Variants in IPO11 observed in about 807,000 individuals in gnomAD.
IPO11 encodes the protein importin-11.
In IPO11, 66 loss-of-function variants were observed where a neutral mutation model predicts 143.2. The observed-to-expected ratio is 0.46, with a 90% CI of 0.38 to 0.57. The LOEUF (loss-of-function observed/expected upper bound fraction) is 0.57. IPO11 is among the 20% of genes least tolerant of loss of function. The probability of loss-of-function intolerance (pLI) is 0.00; values close to 1 mark genes in which losing one functional copy is unlikely to be tolerated. For synonymous variants in IPO11, 385 were observed against 377.8 expected (o/e 1.02, Z -0.22); for missense variants, 1,026 against 1,141.0 (o/e 0.90, Z 1.45).
At chr5:62,558,789 A>C (rs1743664648) in intron 26 of IPO11, among the ~76,000 whole-genome samples, 1 of 152,206 alleles carries the variant, frequency 6.6e-6, no homozygotes, top group African/African-American at 2.4e-5. Flanking sequence ...AATTAATATT[A>C]AAATGAGAGT....
intron 5 of IPO11, 44 bp from the exon 6 acceptor site, chr5:62,467,087 A>G: frequency 1.3e-6 from 2 of 1,529,386 alleles, no homozygotes; most frequent in Non-Finnish European, 1.8e-6. Context: ...TATTACTGAA[A>G]TGTATAATAC....
chr5:62,463,664 CTT>C (rs1372257901), intron 5 of IPO11, among the ~76,000 whole-genome samples: 1 of 143,822 alleles, frequency 7.0e-6, no homozygotes, highest in Non-Finnish European at 1.5e-5. Flanking sequence ...GAGTGAGACT[CTT>C]TGTCTCAAAA....
At chr5:62,467,048 C>T (rs1745596990) in intron 5 of IPO11, 83 bp from the exon 6 acceptor site, 2 of 1,284,170 alleles carry the variant, frequency 1.6e-6, no homozygotes, top group Non-Finnish European at 2.1e-6. Context: ...AGTTGTAAAA[C>T]TAAAATATAT....
chr5:62,583,324 G>A (rs531603999), intron 27 of IPO11, among the ~76,000 whole-genome samples: 29 of 151,944 alleles, frequency 1.9e-4, no homozygotes, highest in Non-Finnish European at 2.6e-4. Context: ...CACCTAAACC[G>A]TACCCTCTTA....
At chr5:62,503,500 G>A (rs1349915337) in intron 16 of IPO11, among the ~76,000 whole-genome samples, 3 of 151,200 alleles carry the variant, frequency 2.0e-5, no homozygotes, top group Non-Finnish European at 4.4e-5. Context: ...ATCTGTATGG[G>A]CATGGCTTAC....
At chr5:62,516,226 C>A (rs781459324) in intron 20 of IPO11, among the ~76,000 whole-genome samples, 2 of 152,160 alleles carry the variant, frequency 1.3e-5, no homozygotes, top group African/African-American at 2.4e-5. Context: ...TTAGAAAAAA[C>A]CAGAAACTTT....
intron 9 of IPO11, among the ~76,000 whole-genome samples, chr5:62,478,072 C>T (rs1405337389): frequency 2.6e-5 from 4 of 152,054 alleles, no homozygotes; most frequent in Non-Finnish European, 4.4e-5. Context: ...CCCTCCCACC[C>T]TTGCTGGTTA....
intron 28 of IPO11, among the ~76,000 whole-genome samples, chr5:62,591,951 G>A (rs1745040426): frequency 6.6e-6 from 1 of 152,196 alleles, no homozygotes; most frequent in Non-Finnish European, 1.5e-5. Context: ...CCAGGTTCAA[G>A]TGATTCTCTT....
Position 62,601,755 on chromosome 5 carries a change from T to A in IPO11, c.2679-9T>A. The A allele has an allele frequency of 6.8e-7, 1 of 1,474,814 alleles. No homozygotes were observed. The highest frequency in any genetic ancestry group is 9.1e-7 in the Non-Finnish European group (1 of 1,100,462). The allele number at this position is 1,474,814 out of a possible 1,614,324, so 91.4% of individuals were successfully genotyped here. Reference sequence around the variant, plus strand: ...TATTTAAAACATGTTTTTTAAAAAATTATTATAGCTGTATGTTGATGTCTC... The same window carrying A: ...TATTTAAAACATGTTTTTTAAAAAAATATTATAGCTGTATGTTGATGTCTC... On this transcript the variant is annotated splice_polypyrimidine_tract_variant and intron_variant, in intron 28 of 29. Coordinates refer to ENST00000325324, the MANE Select transcript of IPO11 (RefSeq NM_016338.5).
At chr5:62,612,360 AG>A (rs1745955371) in intron 29 of IPO11, among the ~76,000 whole-genome samples, 1 of 152,174 alleles carries the variant, frequency 6.6e-6, no homozygotes, top group Non-Finnish European at 1.5e-5. Flanking sequence ...ACTATTTGTG[AG>A]TTTCAGTGTA....
chr5:62,468,602 A>G (rs1453955030), intron 6 of IPO11, among the ~76,000 whole-genome samples: 2 of 152,234 alleles, frequency 1.3e-5, no homozygotes, highest in Non-Finnish European at 2.9e-5. Flanking sequence ...GGCTGTGTAT[A>G]CAAAGCTGTG....
intron 1 of IPO11, among the ~76,000 whole-genome samples, chr5:62,414,893 A>G (rs1743232935): frequency 6.6e-6 from 1 of 152,248 alleles, no homozygotes; most frequent in African/African-American, 2.4e-5. Context: ...CTGATTATCC[A>G]GTCTGATGAA....
chr5:62,483,739 C>T (rs1166107885), intron 10 of IPO11, among the ~76,000 whole-genome samples: 1 of 151,984 alleles, frequency 6.6e-6, no homozygotes, highest in Non-Finnish European at 1.5e-5. Context: ...ATGCACACAC[C>T]CCCCACACCC....
intron 24 of IPO11, among the ~76,000 whole-genome samples, chr5:62,545,670 C>T (rs1005771905): frequency 5.3e-5 from 8 of 152,268 alleles, no homozygotes; most frequent in African/African-American, 1.9e-4. Flanking sequence ...AGGCAACCTA[C>T]AGAATGGGAG....
Position 62,561,214 on chromosome 5 carries a change from C to G in IPO11, c.2539C>G (p.Leu847Val). The G allele has an allele frequency of 1.2e-6, 2 of 1,607,946 alleles. No homozygotes were observed. Among genetic ancestry groups the G allele is most frequent in the South Asian group, 2.2e-5 (2 of 90,422 alleles). ...CATTACCCAGCCTGAAAGAAGAAAACTTTCAGCTTTGGCTTTGCTCTCTCT... is the reference window on the plus strand; with the variant it reads ...CATTACCCAGCCTGAAAGAAGAAAAGTTTCAGCTTTGGCTTTGCTCTCTCT... The part of the protein sequence containing the change: ...DNITQPERRK[L>V]SALALLSLLP... Residue 847 changes from leucine (L) to valine (V), a missense_variant, in exon 27 of 30, where the codon CTT becomes GTT. Leu to Val is a conservative substitution (Grantham distance 32). Around this residue, in one of 5 missense-constraint regions of IPO11, gnomAD observed 351 missense variants for 358.9 expected, o/e 0.98. Coordinates refer to ENST00000325324, the MANE Select transcript of IPO11 (RefSeq NM_016338.5).
chr5:62,562,520 T>G (rs982523288), intron 27 of IPO11, among the ~76,000 whole-genome samples: 2 of 152,116 alleles, frequency 1.3e-5, no homozygotes, highest in Non-Finnish European at 2.9e-5. Flanking sequence ...GGGTTACCAC[T>G]CCTATGAGAA....
At chr5:62,554,147 T>A (rs1239283995) in intron 26 of IPO11, among the ~76,000 whole-genome samples, 1 of 152,252 alleles carries the variant, frequency 6.6e-6, no homozygotes, top group Non-Finnish European at 1.5e-5. Flanking sequence ...TTAGCTGTTG[T>A]TTGAGTTTCT....
chr5:62,623,079 T>G (rs1678160732), intron 29 of IPO11, among the ~76,000 whole-genome samples: 1 of 152,238 alleles, frequency 6.6e-6, no homozygotes, highest in Admixed American at 6.5e-5. Flanking sequence ...CCAACAGATC[T>G]TAGAAACTTA....
rs186204094 is a variant in IPO11, at chr5:62,596,983, A to G, written c.2679-4781A>G. Among the ~76,000 whole-genome samples the G allele has an allele frequency of 2.0e-5, 3 of 152,278 alleles. No homozygotes were observed. In the East Asian group the frequency reaches 5.8e-4, roughly 29 times the overall value. ...TCCTCCTTCGCAAATATCTACCTCT[A>G]AAATTGCATTCCAGGCTTATAGGAA... On this transcript the variant is annotated intron_variant, in intron 28 of 29. Transcript: ENST00000325324.
Sources: allele counts gnomAD v4.1 joint callset (sites outside exome capture counted in the v4.1 genomes callset), GRCh38; gene constraint gnomAD v4.1.1; regional missense constraint gnomAD v4.1.1; transcripts MANE v1.5; gene names NCBI Gene and HGNC (gene_info 2026-07-23, HGNC 2026-07-21).